CNTNAP2: variants seen among roughly 807,000 people sequenced by gnomAD.
CNTNAP2 encodes the protein contactin-associated protein-like 2.
A neutral mutation model predicts 155.2 loss-of-function variants in CNTNAP2; 98 were observed. That is an observed-to-expected ratio of 0.63 (90% CI 0.54 to 0.75). CNTNAP2 has a LOEUF of 0.75. Ranked by LOEUF, CNTNAP2 falls within the 30% of genes least tolerant of loss-of-function variation. The pLI is 0.00. For synonymous variants in CNTNAP2, 651 were observed against 631.2 expected (o/e 1.03, Z -0.47); for missense variants, 1,727 against 1,688.1 (o/e 1.02, Z -0.40).
chr7:147,787,948 C>T (rs1243307490), intron 13 of CNTNAP2, among the ~76,000 whole-genome samples: 1 of 152,156 alleles, frequency 6.6e-6, no homozygotes, highest in East Asian at 1.9e-4. Context: ...GGTTGAAAAG[C>T]AGAGTTACTT....
At position 147,397,034 on chromosome 7, in the gene CNTNAP2, C is replaced by A. The variant is rs369431103; in HGVS notation, c.1670+1254C>A. Among the ~76,000 whole-genome samples, 7 of 152,032 alleles carry A rather than the reference C, an allele frequency of 4.6e-5. No individual in the cohort carries two copies. The East Asian group carries it at 1.2e-3, about 25-fold the overall frequency. ...TGAAGTAAGTTTGCTTTCATAAAAT[C>A]TGAATAAGATGGCGTTCGTGTGAAT... On this transcript the variant is annotated intron_variant, in intron 10 of 23. Transcript: ENST00000361727.
intron 8 of CNTNAP2, among the ~76,000 whole-genome samples, chr7:147,268,638 A>G (rs1804670502): frequency 6.6e-6 from 1 of 152,182 alleles, no homozygotes; most frequent in Non-Finnish European, 1.5e-5. Context: ...CTGCACATGT[A>G]TCCTAGAACT....
At position 147,122,951 on chromosome 7, in the gene CNTNAP2, G is replaced by T. The variant is rs1801151424; in HGVS notation, c.939+1788G>T. 4.0e-5 allele frequency: 6 copies of T among 151,878 alleles called. No homozygotes were observed. The South Asian group carries it at 1.2e-3, about 32-fold the overall frequency. The allele number at this position is 151,878 out of a possible 1,614,324, so 9.4% of individuals were successfully genotyped here. On this transcript the variant is annotated intron_variant, in intron 6 of 23. Transcript: ENST00000361727. Reference sequence around the variant, plus strand: ...TGGAAAAAACAGGATTAATAGCTGTGTTTTCTATTATCTTTATGTTTAAAT... The same window carrying T: ...TGGAAAAAACAGGATTAATAGCTGTTTTTTCTATTATCTTTATGTTTAAAT...
intron 3 of CNTNAP2, among the ~76,000 whole-genome samples, chr7:146,869,795 C>T (rs920338394): frequency 1.3e-5 from 2 of 152,102 alleles, no homozygotes; most frequent in Non-Finnish European, 2.9e-5. Context: ...CGTCTTCTGC[C>T]TGCTTTTTCT....
At chr7:146,934,663 T>C (rs1796872348) in intron 3 of CNTNAP2, among the ~76,000 whole-genome samples, 1 of 152,164 alleles carries the variant, frequency 6.6e-6, no homozygotes, top group African/African-American at 2.4e-5. Flanking sequence ...TTTATAATTT[T>C]GAAAAGAAAA....
intron 12 of CNTNAP2, among the ~76,000 whole-genome samples, chr7:147,575,107 A>ATATGTATGTGTGTGTGTGTGTG (rs1554406899): frequency 3.2e-5 from 3 of 94,066 alleles, no homozygotes; most frequent in African/African-American, 1.2e-4. Context: ...TTTGTGGGAA[A>ATATGTATGTGTGTGTGTGTGTG]TGTGTGTGTG....
At chr7:147,480,809 A>G (rs1319792688) in intron 10 of CNTNAP2, among the ~76,000 whole-genome samples, 1 of 152,126 alleles carries the variant, frequency 6.6e-6, no homozygotes, top group Non-Finnish European at 1.5e-5. Flanking sequence ...GAGCCTTGCT[A>G]TTCCAACCGT....
rs1060504951 is a variant in CNTNAP2 at position 148,229,743 on chromosome 7, C to T, written c.3345C>T (p.Val1115=). The T allele has an allele frequency of 6.2e-7, 1 of 1,613,900 alleles. No homozygotes were observed. The highest frequency in any genetic ancestry group is 1.7e-5 in the Admixed American group (1 of 59,990). The stretch of plus-strand genomic sequence containing the variant: ...TGGCCAATGGACAGCCCCACAGTGT[C>T]AACATCACCCGCCACGAGAAGACCA... ...RNMANGQPHS[V]NITRHEKTIF... The change falls in exon 20 of 24, where the codon GTC becomes GTT. Residue 1115 remains valine (V), a synonymous_variant. Transcript: ENST00000361727.
At chr7:147,956,403 T>C (rs187308660) in intron 14 of CNTNAP2, among the ~76,000 whole-genome samples, 1 of 152,138 alleles carries the variant, frequency 6.6e-6, no homozygotes, top group Non-Finnish European at 1.5e-5. Context: ...ATTCTGGAAA[T>C]ATCCAAAAGA....
intron 1 of CNTNAP2, among the ~76,000 whole-genome samples, chr7:146,751,455 A>G (rs1399784165): frequency 6.6e-6 from 1 of 152,128 alleles, no homozygotes; most frequent in Non-Finnish European, 1.5e-5. Context: ...TGAGTCTGGC[A>G]CATTTCTGGG....
chr7:147,377,829 C>G (rs191233032), intron 9 of CNTNAP2, among the ~76,000 whole-genome samples: 1 of 151,636 alleles, frequency 6.6e-6, no homozygotes, highest in Non-Finnish European at 1.5e-5. Flanking sequence ...CTCTTTTCTC[C>G]CTTGCTACTT....
chr7:147,407,613 A>T (rs1378345281), intron 10 of CNTNAP2, among the ~76,000 whole-genome samples: 1 of 152,064 alleles, frequency 6.6e-6, no homozygotes, highest in Non-Finnish European at 1.5e-5. Context: ...CAATGAGAAA[A>T]CCAAAAGTTA....
At chr7:147,520,942 A>G (rs925845475) in intron 11 of CNTNAP2, among the ~76,000 whole-genome samples, 1 of 152,186 alleles carries the variant, frequency 6.6e-6, no homozygotes, top group Non-Finnish European at 1.5e-5. Context: ...CTCCAAAGGG[A>G]TAGCTCTTCT....
At chr7:146,826,836 G>GTATATATATA (rs376484843) in intron 2 of CNTNAP2, among the ~76,000 whole-genome samples, 1 of 144,126 alleles carries the variant, frequency 6.9e-6, no homozygotes. Context: ...ATGAATATAT[G>GTATATATATA]TATATATATA....
chr7:146,192,270 A>T (rs117978466), intron 1 of CNTNAP2, among the ~76,000 whole-genome samples: 1,896 of 152,226 alleles, frequency 0.012, 23 homozygotes, highest in Non-Finnish European at 0.017. Flanking sequence ...GCCTGTAAAT[A>T]CTTGTAACAT....
intron 13 of CNTNAP2, among the ~76,000 whole-genome samples, chr7:147,682,755 C>T (rs1447890356): frequency 1.3e-5 from 2 of 151,976 alleles, no homozygotes; most frequent in South Asian, 2.1e-4. Flanking sequence ...GAAAGATATT[C>T]GTATTTCTTA....
intron 9 of CNTNAP2, among the ~76,000 whole-genome samples, chr7:147,384,293 T>C (rs527432255): frequency 1.3e-5 from 2 of 152,332 alleles, no homozygotes; most frequent in African/African-American, 4.8e-5. Context: ...GTGAAACTCA[T>C]GTATAATTTT....
chr7:146,575,927 T>C (rs1798517516), intron 1 of CNTNAP2, among the ~76,000 whole-genome samples: 1 of 151,286 alleles, frequency 6.6e-6, no homozygotes, highest in Admixed American at 6.6e-5. Context: ...AGAGAGGGAG[T>C]GAATATGGGA....
At chr7:146,716,960 A>G (rs894354900) in intron 1 of CNTNAP2, among the ~76,000 whole-genome samples, 3 of 152,186 alleles carry the variant, frequency 2.0e-5, no homozygotes, top group Non-Finnish European at 4.4e-5. Flanking sequence ...ATCTAGAAAG[A>G]TATTCAAGAA....
Sources: gnomAD v4.1 joint callset for allele counts (sites outside exome capture counted in the v4.1 genomes callset) on GRCh38, gnomAD v4.1.1 for gene constraint, MANE v1.5 for transcripts, NCBI Gene and HGNC (gene_info 2026-07-23, HGNC 2026-07-21) for gene names.